Variants in PDE7B observed in about 807,000 individuals in gnomAD.
PDE7B encodes 3',5'-cyclic-AMP phosphodiesterase 7B.
Under a neutral mutation model 56.2 loss-of-function variants are expected in PDE7B, and 29 were observed. That is an observed-to-expected ratio of 0.52 (90% CI 0.38 to 0.70). PDE7B has a LOEUF of 0.70. Among genes scored for constraint, PDE7B ranks in the 30% least tolerant of loss-of-function variants. The pLI, the probability that PDE7B is intolerant of heterozygous loss-of-function variation, is 0.00. For missense variants in PDE7B, 490 were observed against 565.0 expected (o/e 0.87, Z 1.35); for synonymous variants, 197 against 196.9 (o/e 1.00, Z 0.00).
intron 3 of PDE7B, among the ~76,000 whole-genome samples, chr6:136,109,583 C>A (rs902439286): frequency 2.6e-5 from 4 of 152,154 alleles, no homozygotes; most frequent in Non-Finnish European, 4.4e-5. Flanking sequence ...TAAAACTCTT[C>A]ACCAGGGCAA....
chr6:136,112,847 C>T (rs1017972901), intron 3 of PDE7B, among the ~76,000 whole-genome samples: 1 of 152,174 alleles, frequency 6.6e-6, no homozygotes, highest in Non-Finnish European at 1.5e-5. Flanking sequence ...CACAGTACTA[C>T]CAATTTCATG....
intron 1 of PDE7B, among the ~76,000 whole-genome samples, chr6:135,905,390 T>G (rs1257312007): frequency 1.3e-5 from 2 of 151,674 alleles, no homozygotes; most frequent in Non-Finnish European, 2.9e-5. Context: ...GAATACATTT[T>G]TAATGGTTGA....
At chr6:136,173,954 C>A in intron 9 of PDE7B, 66 bp downstream of exon 9, 1 of 1,164,304 alleles carries the variant, frequency 8.6e-7, no homozygotes, top group Non-Finnish European at 1.3e-6. Context: ...TTCTCTAGGG[C>A]AGGCTTGGGA....
rs538897188 is a variant in PDE7B, at chr6:136,178,991, A to T, written c.804-6A>T. The T allele has an allele frequency of 1.7e-5, 27 of 1,614,062 alleles. No homozygotes were observed. The highest frequency in any genetic ancestry group is 2.2e-5 in the South Asian group (2 of 91,068). On this transcript the variant is annotated splice_region_variant and splice_polypyrimidine_tract_variant and intron_variant, in intron 9 of 12. Coordinates refer to ENST00000308191, the MANE Select transcript of PDE7B (RefSeq NM_018945.4). Reference sequence around the variant, plus strand: ...GTGTTTTTCTCTTTCATTCTTGTGGATGCAGACAGGATATTGAACAGCAGC... The same window carrying T: ...GTGTTTTTCTCTTTCATTCTTGTGGTTGCAGACAGGATATTGAACAGCAGC...
intron 1 of PDE7B, among the ~76,000 whole-genome samples, chr6:135,881,391 C>G (rs1775608901): frequency 1.3e-5 from 2 of 151,594 alleles, no homozygotes; most frequent in East Asian, 3.9e-4. Flanking sequence ...GCCTGTAGTC[C>G]CAGCTACTCA....
intron 1 of PDE7B, among the ~76,000 whole-genome samples, chr6:135,903,902 T>C (rs1199933539): frequency 6.6e-6 from 1 of 152,212 alleles, no homozygotes; most frequent in African/African-American, 2.4e-5. Flanking sequence ...AGGTGAAATA[T>C]ATGAGAAATC....
chr6:135,953,035 C>A (rs953859382), intron 2 of PDE7B, among the ~76,000 whole-genome samples: 1 of 152,134 alleles, frequency 6.6e-6, no homozygotes, highest in Middle Eastern at 3.2e-3. Context: ...CAATGCGTAT[C>A]TGACGACCTG....
Position 136,151,176 on chromosome 6 carries a change from A to C in PDE7B, c.399A>C (p.Thr133=). The C allele has an allele frequency of 6.2e-7, 1 of 1,606,110 alleles. No individual in the cohort carries two copies. Among genetic ancestry groups the C allele is most frequent in the Non-Finnish European group, 8.5e-7 (1 of 1,172,976 alleles). ...DRLTNGNSLV[T]LLCHLFNTHG... ...TTCCTGCAGGAAACAGCCTGGTAAC[A>C]CTGTTGTGCCACCTCTTCAATACCC... The change falls in exon 6 of 13, where the codon ACA becomes ACC. Residue 133 remains threonine (T), a synonymous_variant. Coordinates refer to ENST00000308191, the MANE Select transcript of PDE7B (RefSeq NM_018945.4).
At chr6:135,985,007 CT>C (rs897446408) in intron 2 of PDE7B, among the ~76,000 whole-genome samples, 1 of 152,146 alleles carries the variant, frequency 6.6e-6, no homozygotes, top group African/African-American at 2.4e-5. Context: ...CTGTGAAGAA[CT>C]TTCTAGAACT....
At chr6:136,164,432 C>A (rs1236603592) in intron 8 of PDE7B, among the ~76,000 whole-genome samples, 1 of 152,094 alleles carries the variant, frequency 6.6e-6, no homozygotes, top group Non-Finnish European at 1.5e-5. Flanking sequence ...CACAGCCAAA[C>A]CATATCAAGA....
chr6:136,056,051 T>A (rs993640480), intron 2 of PDE7B, among the ~76,000 whole-genome samples: 1 of 152,158 alleles, frequency 6.6e-6, no homozygotes, highest in Admixed American at 6.5e-5. Flanking sequence ...GGGAGCTAGA[T>A]AATGCCAGAG....
chr6:135,892,555 A>T (rs1441766544), intron 1 of PDE7B, among the ~76,000 whole-genome samples: 1 of 152,184 alleles, frequency 6.6e-6, no homozygotes, highest in East Asian at 1.9e-4. Context: ...CTAGTCATTA[A>T]ATAATTACTT....
intron 2 of PDE7B, among the ~76,000 whole-genome samples, chr6:135,953,447 A>G (rs1223279272): frequency 6.6e-6 from 1 of 152,176 alleles, no homozygotes; most frequent in African/African-American, 2.4e-5. Context: ...TAGGGGTTGT[A>G]GACCTGTTTA....
At chr6:135,905,297 G>A (rs954343992) in intron 1 of PDE7B, among the ~76,000 whole-genome samples, 2 of 151,852 alleles carry the variant, frequency 1.3e-5, no homozygotes, top group East Asian at 1.9e-4. Context: ...TTTTTAGACT[G>A]ATGTAATTCT....
chr6:135,961,281 A>ATGTGTGTGTGTGTGTGTGTGTGTG (rs771473679), intron 2 of PDE7B, among the ~76,000 whole-genome samples: 1 of 89,412 alleles, frequency 1.1e-5, no homozygotes, highest in Non-Finnish European at 2.8e-5. Context: ...GTGTGTGTGT[A>ATGTGTGTGTGTGTGTGTGTGTGTG]TGTGTGTGTG....
intron 9 of PDE7B, among the ~76,000 whole-genome samples, chr6:136,175,160 A>G (rs536061131): frequency 2.6e-4 from 39 of 152,348 alleles, no homozygotes; most frequent in Non-Finnish European, 4.0e-4. Flanking sequence ...ATGGATTCCA[A>G]TGAAAAATAT....
chr6:135,934,868 T>A (rs1272679534), intron 1 of PDE7B, among the ~76,000 whole-genome samples: 2 of 107,148 alleles, frequency 1.9e-5, no homozygotes, highest in East Asian at 2.4e-4. Context: ...TATATAAAAA[T>A]ATATATAAAT....
At chr6:135,894,373 C>T (rs1775860869) in intron 1 of PDE7B, among the ~76,000 whole-genome samples, 1 of 151,998 alleles carries the variant, frequency 6.6e-6, no homozygotes, top group African/African-American at 2.4e-5. Flanking sequence ...ACTTTAACTC[C>T]CGCCTTCAAG....
chr6:136,171,578 GATT>G (rs1778882087), intron 8 of PDE7B, among the ~76,000 whole-genome samples: 1 of 152,032 alleles, frequency 6.6e-6, no homozygotes, highest in African/African-American at 2.4e-5. Context: ...TATAATCTTG[GATT>G]ATGTTATGAC....
Sources: gnomAD v4.1 joint callset for allele counts (sites outside exome capture counted in the v4.1 genomes callset) on GRCh38, gnomAD v4.1.1 for gene constraint, MANE v1.5 for transcripts, NCBI Gene and HGNC (gene_info 2026-07-23, HGNC 2026-07-21) for gene names.